RERE: variants seen among roughly 807,000 people sequenced by gnomAD.
RERE encodes the protein arginine-glutamic acid dipeptide repeats.
In RERE, 40 loss-of-function variants were observed where a neutral mutation model predicts 146.1. That is an observed-to-expected ratio of 0.27 (90% confidence interval 0.21 to 0.36). The LOEUF (loss-of-function observed/expected upper bound fraction) is 0.36, where lower values mean the gene tolerates loss of function less well. Ranked by LOEUF, RERE falls within the 10% of genes least tolerant of loss-of-function variation. The pLI is 1.00. For missense variants in RERE, 1,933 were observed against 2,138.7 expected (o/e 0.90, Z 1.90); for synonymous variants, 1,003 against 866.0 (o/e 1.16, Z -2.78).
intron 11 of RERE, among the ~76,000 whole-genome samples, chr1:8,430,544 A>G (rs935997151): frequency 2.0e-5 from 3 of 152,178 alleles, no homozygotes; most frequent in Non-Finnish European, 4.4e-5. Context: ...TCAGACTTGT[A>G]CCTACACTTT....
intron 1 of RERE, among the ~76,000 whole-genome samples, chr1:8,781,770 A>G (rs1487616150): frequency 6.6e-6 from 1 of 151,710 alleles, no homozygotes; most frequent in Non-Finnish European, 1.5e-5. Flanking sequence ...ATTCCTTACA[A>G]AGAAAACTGA....
chr1:8,651,777 C>T (rs1248127897), intron 2 of RERE, among the ~76,000 whole-genome samples: 3 of 151,832 alleles, frequency 2.0e-5, no homozygotes, highest in Non-Finnish European at 4.4e-5. Context: ...AAACTCAACC[C>T]CCATCTGGGA....
At chr1:8,712,151 A>C (rs1639680398) in intron 1 of RERE, among the ~76,000 whole-genome samples, 1 of 152,194 alleles carries the variant, frequency 6.6e-6, no homozygotes, top group African/African-American at 2.4e-5. Flanking sequence ...CTAAAACAAA[A>C]ATCAAAAGCC....
intron 11 of RERE, among the ~76,000 whole-genome samples, chr1:8,444,816 A>G (rs898413288): frequency 6.6e-6 from 1 of 152,000 alleles, no homozygotes; most frequent in Non-Finnish European, 1.5e-5. Context: ...AGCTTCCGCC[A>G]TAAGTAAAAG....
rs1275606270 is a variant in RERE at position 8,356,047 on chromosome 1, C to T, written c.4486+53G>A. 4 of 1,453,406 alleles carry T rather than the reference C, an allele frequency of 2.8e-6. No individual in the cohort carries two copies. Among genetic ancestry groups the T allele is most frequent in the Non-Finnish European group, 3.6e-6 (4 of 1,103,568 alleles). 90.0% of individuals were successfully genotyped at this position (1,453,406 alleles called of 1,614,324 possible). On this transcript the variant is annotated intron_variant, in intron 21 of 22. Transcript: ENST00000400908. The surrounding 1 kb of genome is among the most constrained non-coding windows in gnomAD (Gnocchi z 5.2). ...AATGAATGAAGACAGCAGACCAGAC[C>T]CCAACCCAACCCTCACACGGCCTCC...
intron 11 of RERE, among the ~76,000 whole-genome samples, chr1:8,426,689 G>A (rs1447827054): frequency 6.6e-6 from 1 of 152,166 alleles, no homozygotes; most frequent in Non-Finnish European, 1.5e-5. Flanking sequence ...CTGCAGGACA[G>A]TGTTTACACT....
chr1:8,694,975 G>C (rs1570618263), intron 1 of RERE, among the ~76,000 whole-genome samples: 2 of 133,196 alleles, frequency 1.5e-5, no homozygotes, highest in South Asian at 5.3e-4. Flanking sequence ...AAATCCTAAG[G>C]GGGGGGGGGG....
intron 12 of RERE, among the ~76,000 whole-genome samples, chr1:8,383,380 G>T (rs953268496): frequency 2.6e-5 from 4 of 151,520 alleles, no homozygotes; most frequent in African/African-American, 9.7e-5. Flanking sequence ...CCAAGAGAAT[G>T]CACCTGCCAA....
chr1:8,789,253 T>C (rs1641313556), intron 1 of RERE, among the ~76,000 whole-genome samples: 1 of 115,694 alleles, frequency 8.6e-6, no homozygotes, highest in Non-Finnish European at 1.7e-5. Context: ...GAAACCAGCC[T>C]GGGCAACACA....
chr1:8,566,309 A>G (rs1195599308), intron 4 of RERE, among the ~76,000 whole-genome samples: 1 of 152,168 alleles, frequency 6.6e-6, no homozygotes, highest in Non-Finnish European at 1.5e-5. Context: ...AGGGGCAGGT[A>G]GAGGAAAAAT....
intron 1 of RERE, among the ~76,000 whole-genome samples, chr1:8,775,369 C>A (rs1176949384): frequency 6.6e-6 from 1 of 152,146 alleles, no homozygotes; most frequent in African/African-American, 2.4e-5. Flanking sequence ...GCTAGGCATT[C>A]AAGACCAGCC....
At chr1:8,747,292 C>T (rs569480940) in intron 1 of RERE, among the ~76,000 whole-genome samples, 5 of 152,188 alleles carry the variant, frequency 3.3e-5, no homozygotes, top group African/African-American at 4.8e-5. Flanking sequence ...TGAGCCACCG[C>T]GCCCAGCCCT....
intron 1 of RERE, among the ~76,000 whole-genome samples, chr1:8,708,905 G>GT (rs35403792): frequency 0.14 from 10,293 of 72,310 alleles, 2,201 homozygotes; most frequent in Non-Finnish European, 0.16. Flanking sequence ...AAACTCTGGA[G>GT]TTTTTTTTTT....
At chr1:8,681,254 T>C (rs1240812230) in intron 1 of RERE, among the ~76,000 whole-genome samples, 1 of 152,202 alleles carries the variant, frequency 6.6e-6, no homozygotes, top group Non-Finnish European at 1.5e-5. Flanking sequence ...TCAGAAATTT[T>C]ATATACAAGG....
chr1:8,397,869 T>C (rs534036709), intron 12 of RERE, among the ~76,000 whole-genome samples: 20 of 152,378 alleles, frequency 1.3e-4, no homozygotes, highest in Admixed American at 5.2e-4. Flanking sequence ...TTCAAAAAGA[T>C]TGACTGCAAC....
chr1:8,373,840 A>AG, intron 12 of RERE, among the ~76,000 whole-genome samples: 1 of 152,340 alleles, frequency 6.6e-6, no homozygotes, highest in East Asian at 1.9e-4. Flanking sequence ...AGCGATATTC[A>AG]GGAGCAGCCA....
rs539794460 is a variant in RERE, at chr1:8,613,131, C to A, written c.522+1430G>T. 2.6e-5 allele frequency among the ~76,000 whole-genome samples: 4 copies of A among 152,312 alleles called. No individual in the cohort carries two copies. The South Asian group carries it at 8.3e-4, about 32-fold the overall frequency. ...GCCCTAGCCTTCTACTTGGAATTTTCACCATCTTTCCCCGTTCCACACTGC... is the reference window on the plus strand; with the variant it reads ...GCCCTAGCCTTCTACTTGGAATTTTAACCATCTTTCCCCGTTCCACACTGC... On this transcript the variant is annotated intron_variant, in intron 4 of 22. Transcript: ENST00000400908.
In RERE at chr1:8,706,920, AAAGT is replaced by A. The variant is rs572740662; in HGVS notation, c.-144-50483_-144-50480del. ...GGTGTTTTGCACATGACCACATGAA[AAAGT>A]AATAGGAAGAATAATTATGTAAGAT... On this transcript the variant is annotated intron_variant, in intron 1 of 22. Transcript: ENST00000400908. Among the ~76,000 whole-genome samples, 6 of 152,364 alleles carry A rather than the reference AAAGT, an allele frequency of 3.9e-5. No individual in the cohort carries two copies. In the East Asian group the frequency reaches 5.8e-4, roughly 15 times the overall value.
intron 15 of RERE, among the ~76,000 whole-genome samples, chr1:8,363,423 A>G (rs1326742554): frequency 6.6e-6 from 1 of 152,164 alleles, no homozygotes; most frequent in Non-Finnish European, 1.5e-5. Flanking sequence ...CTTCTGAGTG[A>G]GCGGGGGCCG....
Sources: gnomAD v4.1 joint callset for allele counts (sites outside exome capture counted in the v4.1 genomes callset) on GRCh38, gnomAD v4.1.1 for gene constraint, Gnocchi (gnomAD v3.1) non-coding constraint, MANE v1.5 for transcripts, NCBI Gene and HGNC (gene_info 2026-07-23, HGNC 2026-07-21) for gene names.